Variants in DLC1 observed in about 807,000 individuals in gnomAD.
DLC1 encodes the protein rho GTPase-activating protein 7.
A neutral mutation model predicts 140.3 loss-of-function variants in DLC1; 54 were observed. The observed-to-expected ratio is 0.38, with a 90% CI of 0.31 to 0.48. The LOEUF is 0.48. Among genes scored for constraint, DLC1 ranks in the 20% least tolerant of loss-of-function variants. The pLI, the probability that DLC1 is intolerant of heterozygous loss-of-function variation, is 0.96. For synonymous variants in DLC1, 986 were observed against 728.1 expected (o/e 1.35, Z -5.70); for missense variants, 2,536 against 1,907.0 (o/e 1.33, Z -6.14).
intron 1 of DLC1, among the ~76,000 whole-genome samples, chr8:13,582,411 A>C (rs544688617): frequency 1.3e-5 from 2 of 152,296 alleles, no homozygotes; most frequent in African/African-American, 4.8e-5. Flanking sequence ...CATTTGAGTC[A>C]GTGGACTGGG....
chr8:13,344,208 A>T (rs1326105518), intron 4 of DLC1, among the ~76,000 whole-genome samples: 1 of 152,200 alleles, frequency 6.6e-6, no homozygotes, highest in Non-Finnish European at 1.5e-5. Flanking sequence ...AATACTTTCA[A>T]TCAGCCTGGC....
rs58536313 is a variant in DLC1, at chr8:13,154,461, A to G, written c.1349-38804T>C. 6.7e-3 allele frequency among the ~76,000 whole-genome samples: 1,026 copies of G among 152,312 alleles called. 7 individuals are homozygous for G. The highest frequency in any genetic ancestry group is 0.024 in the African/African-American group (986 of 41,582). On this transcript the variant is annotated intron_variant, in intron 5 of 17. Coordinates refer to ENST00000276297, the MANE Select transcript of DLC1 (RefSeq NM_182643.3). ...CTGCGTGCTAAGCCCCTTACTGCCCAGGGCCGGCGGTGCCGGCCAGCTGCT... is the reference window on the plus strand; with the variant it reads ...CTGCGTGCTAAGCCCCTTACTGCCCGGGGCCGGCGGTGCCGGCCAGCTGCT...
rs1563468883 is a variant in DLC1 at position 13,601,799 on chromosome 8, A to T, written c.-126+2738T>A. On this transcript the variant is annotated intron_variant, in intron 1 of 1. Transcript: ENST00000631382. ...AATTCTAGAAAATGCAATCATATAT[A>T]ACAACAACAACAACAGCAAAACACC... is the stretch of plus-strand genomic sequence containing the variant. Among the ~76,000 whole-genome samples the T allele has an allele frequency of 2.6e-5, 4 of 151,728 alleles. No homozygotes were observed. In the South Asian group the frequency reaches 8.3e-4, roughly 31 times the overall value.
chr8:13,604,495 A>G (rs1055758271), intron 1 of DLC1: 1 of 152,216 alleles, frequency 6.6e-6, no homozygotes, highest in African/African-American at 2.4e-5. Flanking sequence ...GTATATTGTT[A>G]TATATGATAC....
chr8:13,440,029 C>T (rs977475132), intron 2 of DLC1, among the ~76,000 whole-genome samples: 1 of 151,970 alleles, frequency 6.6e-6, no homozygotes, highest in Non-Finnish European at 1.5e-5. Flanking sequence ...ATCTGTGAGA[C>T]GGTAATAGGT....
chr8:13,377,905 A>G (rs1272124305), intron 4 of DLC1, among the ~76,000 whole-genome samples: 2 of 151,890 alleles, frequency 1.3e-5, no homozygotes, highest in East Asian at 3.9e-4. Context: ...TCTGAAAGAA[A>G]AAACAAAAAC....
chr8:13,189,851 C>T (rs1585875109), intron 5 of DLC1, among the ~76,000 whole-genome samples: 2 of 151,220 alleles, frequency 1.3e-5, no homozygotes, highest in South Asian at 4.3e-4. Flanking sequence ...CATTGCACTC[C>T]AGCTTGGGCA....
intron 1 of DLC1, among the ~76,000 whole-genome samples, chr8:13,544,102 T>C (rs1256780299): frequency 3.3e-5 from 5 of 152,076 alleles, no homozygotes; most frequent in East Asian, 1.9e-4. Context: ...TATATTAGCA[T>C]TGCATCCCAT....
intron 1 of DLC1, among the ~76,000 whole-genome samples, chr8:13,593,823 G>A (rs1045261365): frequency 3.9e-5 from 6 of 152,058 alleles, no homozygotes; most frequent in African/African-American, 1.4e-4. Flanking sequence ...TCCTTGAGGT[G>A]GTGTGGGCAA....
At chr8:13,276,337 T>G (rs1831161251) in intron 5 of DLC1, 1 of 1,529,144 alleles carries the variant, frequency 6.5e-7, no homozygotes, top group Non-Finnish European at 8.7e-7. Context: ...ATGTGATCGC[T>G]AAAGGACCTC....
chr8:13,155,183 C>G (rs60739531), intron 5 of DLC1, among the ~76,000 whole-genome samples: 28,562 of 149,970 alleles, frequency 0.19, 2,981 homozygotes, highest in East Asian at 0.35. Context: ...TAAATGTACT[C>G]AATTTCTTTT....
chr8:13,185,856 C>A (rs954831813), intron 5 of DLC1, among the ~76,000 whole-genome samples: 6 of 152,176 alleles, frequency 3.9e-5, no homozygotes, highest in African/African-American at 1.2e-4. Context: ...TGACAAAAAT[C>A]TCTCAGCATT....
At chr8:13,592,971 C>T (rs560415995) in intron 1 of DLC1, among the ~76,000 whole-genome samples, 1 of 152,128 alleles carries the variant, frequency 6.6e-6, no homozygotes, top group South Asian at 2.1e-4. Context: ...CTTTTTTCTT[C>T]CAAATATTTC....
chr8:13,435,231 A>G (rs1267107133), intron 2 of DLC1, among the ~76,000 whole-genome samples: 1 of 152,206 alleles, frequency 6.6e-6, no homozygotes, highest in Non-Finnish European at 1.5e-5. Flanking sequence ...AAATATCCCC[A>G]CAACTAGAAT....
At chr8:13,536,574 C>G (rs1563426525) in intron 1 of DLC1, among the ~76,000 whole-genome samples, 1 of 152,150 alleles carries the variant, frequency 6.6e-6, no homozygotes, top group Non-Finnish European at 1.5e-5. Flanking sequence ...GACTGAGGCT[C>G]TGAGAGGTTA....
rs1265634058 is a variant in DLC1, at chr8:13,453,554, ATATTTTT to A, written c.1023+45488_1023+45494del. On this transcript the variant is annotated intron_variant, in intron 2 of 17. Transcript: ENST00000276297. ...TATATATATACATATATATATATATATATTTTTTTTTTTTTTTTTTCAGATAGAAATG... is the reference window on the plus strand; with the variant it reads ...TATATATATACATATATATATATATATTTTTTTTTTTTTCAGATAGAAATG... Among the ~76,000 whole-genome samples, 58 of 33,324 alleles carry A rather than the reference ATATTTTT, an allele frequency of 1.7e-3. 5 individuals are homozygous for A. Among genetic ancestry groups the A allele is most frequent in the African/African-American group, 5.8e-3 (39 of 6,742 alleles). 21.9% of individuals were successfully genotyped at this position (33,324 alleles called of 152,430 possible). A position where few individuals can be genotyped will look rare whatever the true frequency, so the allele number is the denominator to read the frequency against.
At chr8:13,242,736 T>C (rs17127579) in intron 5 of DLC1, among the ~76,000 whole-genome samples, 29,806 of 152,100 alleles carry the variant, frequency 0.2, 3,369 homozygotes, top group African/African-American at 0.31. Context: ...AGAAGGCTTA[T>C]ATTTTCTTGC....
At chr8:13,386,252 A>G (rs1403799177) in intron 4 of DLC1, among the ~76,000 whole-genome samples, 3 of 152,116 alleles carry the variant, frequency 2.0e-5, no homozygotes, top group African/African-American at 4.8e-5. Context: ...TTCAATTCTA[A>G]TCTATCATTC....
Position 13,443,668 on chromosome 8 carries a change from A to G in DLC1, c.1024-42049T>C, listed in dbSNP as rs1272417580. On this transcript the variant is annotated intron_variant, in intron 2 of 17. Coordinates refer to ENST00000276297, the MANE Select transcript of DLC1 (RefSeq NM_182643.3). ...GCGAGACTCCGTCTCAAAAAAAAAA[A>G]AAAAAAAGAAAAAGAAAAAAACAGA... is the stretch of plus-strand genomic sequence containing the variant. 4.0e-5 allele frequency among the ~76,000 whole-genome samples: 6 copies of G among 151,730 alleles called. No homozygotes were observed. The East Asian group carries it at 7.7e-4, about 20-fold the overall frequency.
Sources: gnomAD v4.1 joint callset for allele counts (sites outside exome capture counted in the v4.1 genomes callset) on GRCh38, gnomAD v4.1.1 for gene constraint, MANE v1.5 for transcripts, NCBI Gene and HGNC (gene_info 2026-07-23, HGNC 2026-07-21) for gene names.